Variants in ZNF69 observed in about 807,000 individuals in gnomAD.
ZNF69 encodes zinc finger protein 69, also known as ZNF3.
A neutral mutation model predicts 50.9 loss-of-function variants in ZNF69; 47 were observed. The ratio of observed to expected loss-of-function variants is 0.92; its 90% CI spans 0.73 to 1.18. The LOEUF is 1.18. Among genes scored for constraint, ZNF69 ranks in the 50% most tolerant of loss-of-function variants. The pLI is 0.00. For synonymous variants in ZNF69, 216 were observed against 223.1 expected (o/e 0.97, Z 0.29); for missense variants, 717 against 675.1 (o/e 1.06, Z -0.69).
At chr19:11,934,611 C>T in the ZNF69 span, among the ~76,000 whole-genome samples, 2 of 147,736 alleles carry the variant, frequency 1.4e-5, no homozygotes, top group South Asian at 4.2e-4. Flanking sequence ...ACTGCAGCCT[C>T]TGCCTCCCAG....
At position 11,905,182 on chromosome 19, in the gene ZNF69, C is replaced by T. The variant is rs1972339127; in HGVS notation, c.785C>T (p.Thr262Ile). The T allele has an allele frequency of 5.0e-6, 8 of 1,614,040 alleles. No homozygotes were observed. Among genetic ancestry groups the T allele is most frequent in the Non-Finnish European group, 6.8e-6 (8 of 1,179,998 alleles). Residue 262 changes from threonine (T) to isoleucine (I), a missense_variant, in exon 4 of 4, where the codon ACC (threonine) becomes ATC (isoleucine). By Grantham distance (89) the Thr-to-Ile change is moderately conservative. Coordinates refer to ENST00000429654, the MANE Select transcript of ZNF69 (RefSeq NM_001364730.1). ...GGTAAATCCTTTAGTTATTCTGCTA[C>T]CCTTCGAATACACGAAAGAACTCAC... ...QCGKSFSYSA[T>I]LRIHERTHTG... is the part of the protein sequence containing the mutation.
exon 5 of ZNF69, chr19:11,913,652 A>C: frequency 7.2e-6 from 2 of 277,892 alleles, no homozygotes; most frequent in Non-Finnish European, 1.3e-5. Flanking sequence ...GCCTCCCAAA[A>C]TGCTGGGATT....
At chr19:11,956,853 A>G in the ZNF69 span, among the ~76,000 whole-genome samples, 3 of 152,052 alleles carry the variant, frequency 2.0e-5, no homozygotes, top group African/African-American at 7.2e-5. Flanking sequence ...GACTCTCCAA[A>G]AAAATAAATA....
the ZNF69 span, among the ~76,000 whole-genome samples, chr19:11,974,410 T>C: frequency 1.3e-5 from 2 of 151,608 alleles, no homozygotes; most frequent in African/African-American, 4.9e-5. Flanking sequence ...TTGGCCGGGG[T>C]GGTCTCAAAT....
At chr19:11,921,080 A>G in the ZNF69 span, among the ~76,000 whole-genome samples, 1 of 152,186 alleles carries the variant, frequency 6.6e-6, no homozygotes, top group African/African-American at 2.4e-5. Context: ...CCCCTTTCTA[A>G]TAAGTCTATA....
chr19:11,947,085 A>G, the ZNF69 span: 3 of 1,513,720 alleles, frequency 2.0e-6, no homozygotes, highest in Admixed American at 2.4e-5. Context: ...AAATGTTTGG[A>G]GTCCACAGCA....
chr19:11,951,232 TTTTG>T, the ZNF69 span, among the ~76,000 whole-genome samples: 1 of 147,672 alleles, frequency 6.8e-6, no homozygotes. Flanking sequence ...TTTTGCTGGT[TTTTG>T]TTTTTTTTTT....
At chr19:11,932,572 C>T in the ZNF69 span, among the ~76,000 whole-genome samples, 2 of 147,638 alleles carry the variant, frequency 1.4e-5, no homozygotes, top group South Asian at 4.2e-4. Context: ...CTTCCCCAAC[C>T]TGGGTACCCA....
the ZNF69 span, among the ~76,000 whole-genome samples, chr19:11,963,074 T>TGAGAGAGAGA: frequency 8.4e-3 from 1,123 of 134,426 alleles, 46 homozygotes; most frequent in African/African-American, 0.036. Flanking sequence ...GGTAGTTTGG[T>TGAGAGAGAGA]GAGAGAGAGA....
the ZNF69 span, chr19:11,978,357 A>C: frequency 6.2e-7 from 1 of 1,614,230 alleles, no homozygotes; most frequent in Non-Finnish European, 8.5e-7. Context: ...AAAGCCATAT[A>C]AGTGTCAACA....
rs1243131258 is a variant in ZNF69, at chr19:11,905,349, T to TG, written c.952_953insG (p.Tyr318Ter). The change falls in exon 4 of 4, where the codon TAT (tyrosine) becomes TGAT (stop). Residue 318 changes from tyrosine (Y) to a stop codon, truncating the protein, a stop_gained and frameshift_variant. Coordinates refer to ENST00000429654, the MANE Select transcript of ZNF69 (RefSeq NM_001364730.1). LOFTEE classifies it high-confidence loss of function. ...TGGAAAAGCATTCACGTGTCCCCAG[T>TG]ATGTTCGTATACATGAAAGGACCCA... ...ECGKAFTCPQ[Y>*]VRIHERTHSR... 3.7e-6 allele frequency: 6 copies of TG among 1,614,080 alleles called. No individual in the cohort carries two copies.
chr19:11,905,348 G>A lies in ZNF69; in HGVS notation c.951G>A (p.Gln317=), dbSNP rs187607904. The change falls in exon 4 of 4, where the codon CAG becomes CAA. Residue 317 remains glutamine (Q), a synonymous_variant. Transcript: ENST00000429654. ...GTGGAAAAGCATTCACGTGTCCCCAGTATGTTCGTATACATGAAAGGACCC... is the reference window on the plus strand; with the variant it reads ...GTGGAAAAGCATTCACGTGTCCCCAATATGTTCGTATACATGAAAGGACCC... The part of the protein sequence containing the change: ...KECGKAFTCP[Q]YVRIHERTHS... 3 of 1,614,052 alleles carry A rather than the reference G, an allele frequency of 1.9e-6. No individual in the cohort carries two copies. The highest frequency in any genetic ancestry group is 1.7e-5 in the Admixed American group (1 of 60,006).
the ZNF69 span, chr19:11,950,392 T>C: frequency 1.0e-4 from 90 of 902,554 alleles, no homozygotes; most frequent in Non-Finnish European, 1.5e-4. Context: ...ACCCTATCAA[T>C]GTAAGCAGTG....
At chr19:11,962,949 G>T in the ZNF69 span, among the ~76,000 whole-genome samples, 1 of 152,132 alleles carries the variant, frequency 6.6e-6, no homozygotes, top group East Asian at 1.9e-4. Context: ...ATCCTGCCTG[G>T]TAAATCCTCA....
chr19:11,898,178 GT>G (rs1211112915), intron 1 of ZNF69, among the ~76,000 whole-genome samples: 1 of 151,940 alleles, frequency 6.6e-6, no homozygotes, highest in Admixed American at 6.6e-5. Flanking sequence ...ATTTTTGCAT[GT>G]TTTTCATGCA....
At chr19:11,971,286 G>C in the ZNF69 span, among the ~76,000 whole-genome samples, 1 of 152,126 alleles carries the variant, frequency 6.6e-6, no homozygotes, top group Non-Finnish European at 1.5e-5. Context: ...GAGGAAGCTG[G>C]CTGTCCTGTG....
chr19:11,979,790 C>A, the ZNF69 span: 3 of 1,578,114 alleles, frequency 1.9e-6, no homozygotes, highest in Non-Finnish European at 2.6e-6. Flanking sequence ...TGGAGAGAAA[C>A]CCTATGAGTG....
the ZNF69 span, chr19:11,925,080 T>A: frequency 2.0e-6 from 2 of 1,013,510 alleles, no homozygotes; most frequent in South Asian, 1.3e-5. Context: ...TGCCCACAGT[T>A]CATCCGGAAA....
At chr19:11,950,322 C>T in the ZNF69 span, 1 of 1,468,786 alleles carries the variant, frequency 6.8e-7, no homozygotes, top group East Asian at 2.3e-5. Flanking sequence ...AGCAATGTGG[C>T]AAAACTTTCA....
Sources: gnomAD v4.1 joint callset for allele counts (sites outside exome capture counted in the v4.1 genomes callset) on GRCh38, gnomAD v4.1.1 for gene constraint, MANE v1.5 for transcripts, NCBI Gene and HGNC (gene_info 2026-07-23, HGNC 2026-07-21) for gene names.